The following POMT1 variants were observed in gnomAD, a reference collection of about 807,000 sequenced individuals.
POMT1 encodes the protein protein O-mannosyltransferase 1, also known as protein O-mannosyl-transferase 1.
Under a neutral mutation model 101.6 loss-of-function variants are expected in POMT1, and 85 were observed. The observed-to-expected ratio is 0.84, with a 90% CI of 0.70 to 1.00. The LOEUF (loss-of-function observed/expected upper bound fraction) is 1.00, where lower values mean the gene tolerates loss of function less well. Ranked by LOEUF, POMT1 falls within the 50% of genes least tolerant of loss-of-function variation. The pLI is 0.00. For missense variants in POMT1, 857 were observed against 930.4 expected, an observed-to-expected ratio of 0.92 and a Z score of 1.03; for synonymous variants, 371 against 383.0, an observed-to-expected ratio of 0.97 and a Z score of 0.37.
rs756974607 is a variant in POMT1 at position 131,510,362 on chromosome 9, C to T, written c.802C>T (p.Arg268Cys). 8 of 1,614,174 alleles carry T rather than the reference C, an allele frequency of 5.0e-6. No individual in the cohort carries two copies. Among genetic ancestry groups the T allele is most frequent in the Non-Finnish European group, 5.9e-6 (7 of 1,180,010 alleles). Residue 268 changes from arginine to cysteine, a missense_variant, in exon 9 of 20, where the codon CGC becomes TGC. Arg to Cys is a radical substitution (Grantham distance 180). Coordinates refer to ENST00000402686, the MANE Select transcript of POMT1 (RefSeq NM_001077365.2). Reference sequence around the variant, plus strand: ...CTACGTCCACTTGATTCTAGTCTTCCGCTCTGGGCCCCACGACCAAATCAT... The same window carrying T: ...CTACGTCCACTTGATTCTAGTCTTCTGCTCTGGGCCCCACGACCAAATCAT... ...FFYVHLILVF[R>C]SGPHDQIMSS...
At chr9:131,514,200 G>T (rs192371462) in intron 12 of POMT1, among the ~76,000 whole-genome samples, 2 of 152,160 alleles carry the variant, frequency 1.3e-5, no homozygotes, top group Admixed American at 6.5e-5. Context: ...TCTCTACCTC[G>T]CAGCAGCCTG....
At chr9:131,515,562 A>T (rs763994347) in intron 13 of POMT1, 40 bp downstream of exon 13, 2 of 1,575,138 alleles carry the variant, frequency 1.3e-6, no homozygotes, top group Non-Finnish European at 1.7e-6. Flanking sequence ...AACCGTCAGT[A>T]ATGAACACTC....
At chr9:131,516,258 CG>C (rs1260815293) in intron 13 of POMT1, among the ~76,000 whole-genome samples, 3 of 151,562 alleles carry the variant, frequency 2.0e-5, no homozygotes, top group Middle Eastern at 3.5e-3. Context: ...CTTCCTCACA[CG>C]GAACACTTCC....
Position 131,522,723 on chromosome 9 carries a change from T to C in POMT1, c.2004-209T>C, listed in dbSNP as rs994137619. Among the ~76,000 whole-genome samples, 1 of 152,120 alleles carries C rather than the reference T, an allele frequency of 6.6e-6. No individual in the cohort carries two copies. The highest frequency in any genetic ancestry group is 1.5e-5 in the Non-Finnish European group (1 of 68,002). On this transcript the variant is annotated intron_variant, in intron 19 of 19. Transcript: ENST00000402686. This position sits in a 1 kb window ranked among gnomAD's most constrained non-coding sequence, Gnocchi z 5.5. ...ATCTGTGTGGAGGTGGCCCAGCCACTGTGGAGGCCTGAGGAGTCATCAGGG... is the reference window on the plus strand; with the variant it reads ...ATCTGTGTGGAGGTGGCCCAGCCACCGTGGAGGCCTGAGGAGTCATCAGGG...
chr9:131,515,226 C>T (rs551226025), intron 12 of POMT1, among the ~76,000 whole-genome samples, 200 bp from the exon 13 acceptor site: 65 of 152,352 alleles, frequency 4.3e-4, no homozygotes, highest in South Asian at 8.3e-4. Flanking sequence ...CACAGGGCCT[C>T]CTGCCTGTTT....
chr9:131,506,342 G>C, intron 3 of POMT1, 61 bp from the exon 4 acceptor site: 1 of 1,568,008 alleles, frequency 6.4e-7, no homozygotes, highest in Non-Finnish European at 8.8e-7. Context: ...TTTATTGCTT[G>C]CCACAGTACT....
At chr9:131,506,547 T>C (rs2131593346) in intron 4 of POMT1, 94 bp downstream of exon 4, 2 of 1,182,506 alleles carry the variant, frequency 1.7e-6, no homozygotes, top group East Asian at 2.3e-5. Flanking sequence ...GCTTTTTTTT[T>C]CCTTTCATAC....
intron 10 of POMT1, chr9:131,511,822 A>T: frequency 1.7e-6 from 1 of 599,582 alleles, no homozygotes; most frequent in South Asian, 2.0e-5. Context: ...TTTAGGAGAA[A>T]GGCGTGTGGG....
At chr9:131,521,617 G>A (rs1949932158) in intron 18 of POMT1, 145 bp downstream of exon 18, 5 of 1,046,008 alleles carry the variant, frequency 4.8e-6, no homozygotes, top group South Asian at 2.8e-5. Context: ...GGTGTGCGCT[G>A]AGCATTCACC....
chr9:131,521,871 T>C (rs1029517520), intron 18 of POMT1, among the ~76,000 whole-genome samples, 176 bp from the exon 19 acceptor site: 3 of 152,134 alleles, frequency 2.0e-5, no homozygotes, highest in Non-Finnish European at 4.4e-5. Context: ...GCGCGGTGGC[T>C]TACACCTGTA....
intron 10 of POMT1, chr9:131,511,718 A>G (rs955382606): frequency 1.2e-5 from 7 of 580,408 alleles, no homozygotes; most frequent in South Asian, 2.0e-5. Context: ...TGCCTGAATC[A>G]TCTGATTTCG....
chr9:131,520,073 G>A lies in POMT1; in HGVS notation c.1585-7G>A. 1 of 1,612,426 alleles carries A rather than the reference G, an allele frequency of 6.2e-7. No homozygotes were observed. Among genetic ancestry groups the A allele is most frequent in the Non-Finnish European group, 8.5e-7 (1 of 1,178,922 alleles). Reference sequence around the variant, plus strand: ...CCTCAATCTCAGAGGCCTCTGCTTTGTTCCAGTGGAGGATGCTGGCGCTGA... The same window carrying A: ...CCTCAATCTCAGAGGCCTCTGCTTTATTCCAGTGGAGGATGCTGGCGCTGA... On this transcript the variant is annotated splice_polypyrimidine_tract_variant and splice_region_variant and intron_variant, in intron 16 of 19. Coordinates refer to ENST00000402686, the MANE Select transcript of POMT1 (RefSeq NM_001077365.2).
At chr9:131,509,233 C>T (rs1411057633) in intron 6 of POMT1, among the ~76,000 whole-genome samples, 2 of 152,292 alleles carry the variant, frequency 1.3e-5, no homozygotes, top group East Asian at 3.9e-4. Flanking sequence ...TCACTGCAAC[C>T]TCCGCTTCCC....
chr9:131,521,025 TAG>T (rs755512719), intron 17 of POMT1: 4 of 378,950 alleles, frequency 1.1e-5, no homozygotes, highest in Non-Finnish European at 2.0e-5. Context: ...TACTTTTTAA[TAG>T]AGACGGGGTT....
rs147143094 is a variant in POMT1 at position 131,523,106 on chromosome 9, G to C, written c.2178G>C (p.Ter726TyrextTer24). ...DSWDILIRKH[*>Y] ...GGGACATCTTGATCCGAAAACACTA[G>C]AACAAGAGTGTGGCAAAGAACACCC... is the stretch of plus-strand genomic sequence containing the variant. Residue 726 changes from the stop codon to tyrosine (Y), a stop_lost, in exon 20 of 20, where the codon TAG becomes TAC. Coordinates refer to ENST00000402686, the MANE Select transcript of POMT1 (RefSeq NM_001077365.2). 7 of 1,610,420 alleles carry C rather than the reference G, an allele frequency of 4.3e-6. No individual in the cohort carries two copies. Among genetic ancestry groups the C allele is most frequent in the Non-Finnish European group, 5.1e-6 (6 of 1,179,660 alleles).
Position 131,522,440 on chromosome 9 carries a change from A to G in POMT1, c.2003+216A>G. The G allele has an allele frequency of 1.0e-6, 1 of 985,414 alleles. No homozygotes were observed. The highest frequency in any genetic ancestry group is 1.5e-6 in the Non-Finnish European group (1 of 686,106). 61.0% of individuals were successfully genotyped at this position (985,414 alleles called of 1,614,324 possible). On this transcript the variant is annotated intron_variant, in intron 19 of 19. Coordinates refer to ENST00000402686, the MANE Select transcript of POMT1 (RefSeq NM_001077365.2). This position sits in a 1 kb window ranked among gnomAD's most constrained non-coding sequence, Gnocchi z 5.5. Reference sequence around the variant, plus strand: ...AGAAGTCGCGGCTGACAGAGATGAAAGCGGAGTGGGTGGGGAGACGGGGAG... The same window carrying G: ...AGAAGTCGCGGCTGACAGAGATGAAGGCGGAGTGGGTGGGGAGACGGGGAG...
At chr9:131,510,454 A>G in intron 9 of POMT1, 39 bp downstream of exon 9, 1 of 1,594,118 alleles carries the variant, frequency 6.3e-7, no homozygotes, top group Non-Finnish European at 8.6e-7. Flanking sequence ...TGGAGAAGGA[A>G]GATGATAGTG....
chr9:131,511,268 T>C, intron 9 of POMT1, 69 bp from the exon 10 acceptor site: 1 of 1,503,678 alleles, frequency 6.7e-7, no homozygotes, highest in Non-Finnish European at 9.1e-7. Flanking sequence ...GGAGTGGCCA[T>C]CGGGAAGGCT....
At chr9:131,511,206 C>T in intron 9 of POMT1, 131 bp from the exon 10 acceptor site, 1 of 953,860 alleles carries the variant, frequency 1.0e-6, no homozygotes, top group South Asian at 1.6e-5. Context: ...AATGGGAGAT[C>T]ATTACCACTG....
Sources: allele counts gnomAD v4.1 joint callset (sites outside exome capture counted in the v4.1 genomes callset), GRCh38; gene constraint gnomAD v4.1.1; non-coding constraint Gnocchi (gnomAD v3.1); transcripts MANE v1.5; gene names NCBI Gene and HGNC (gene_info 2026-07-23, HGNC 2026-07-21).